Variants in RFX3 observed in about 807,000 individuals in gnomAD.
RFX3 encodes regulatory factor X3, also known as transcription factor RFX3.
Under a neutral mutation model 98.6 loss-of-function variants are expected in RFX3, and 14 were observed. That is an observed-to-expected ratio of 0.14 (90% CI 0.09 to 0.22). The LOEUF (loss-of-function observed/expected upper bound fraction) is 0.22, where lower values mean the gene tolerates loss of function less well. Among genes scored for constraint, RFX3 ranks in the 10% least tolerant of loss-of-function variants. RFX3 has a pLI of 1.00. For missense variants in RFX3, 639 were observed against 926.9 expected (o/e 0.69, Z 4.03); for synonymous variants, 383 against 328.4 (o/e 1.17, Z -1.80).
At chr9:3,316,866 A>G (rs1355982530) in intron 4 of RFX3, among the ~76,000 whole-genome samples, 3 of 152,212 alleles carry the variant, frequency 2.0e-5, no homozygotes, top group Non-Finnish European at 2.9e-5. Flanking sequence ...ACGAAATAAA[A>G]GAAGACACAA....
intron 2 of RFX3, among the ~76,000 whole-genome samples, chr9:3,376,588 C>T (rs1183163418): frequency 6.6e-6 from 1 of 152,126 alleles, no homozygotes; most frequent in East Asian, 1.9e-4. Flanking sequence ...CCAAAATTGA[C>T]AAATGGGATC....
At chr9:3,265,300 A>G (rs1006372891) in intron 12 of RFX3, among the ~76,000 whole-genome samples, 5 of 152,206 alleles carry the variant, frequency 3.3e-5, no homozygotes, top group Non-Finnish European at 7.3e-5. Flanking sequence ...ACAATCTAAT[A>G]TGGGCACATC....
chr9:3,391,575 G>A (rs535266897), intron 2 of RFX3, among the ~76,000 whole-genome samples: 31 of 152,274 alleles, frequency 2.0e-4, no homozygotes, highest in Middle Eastern at 3.4e-3. Context: ...TGCCTGTTGG[G>A]AGTGAGCCAT....
At chr9:3,390,916 T>C (rs1177164699) in intron 2 of RFX3, among the ~76,000 whole-genome samples, 1 of 152,156 alleles carries the variant, frequency 6.6e-6, no homozygotes, top group African/African-American at 2.4e-5. Flanking sequence ...ATTAGGTTGG[T>C]GCAAAAATTA....
At chr9:3,314,650 T>G (rs557877863) in intron 4 of RFX3, among the ~76,000 whole-genome samples, 1 of 151,534 alleles carries the variant, frequency 6.6e-6, no homozygotes, top group East Asian at 1.9e-4. Context: ...GAGACACACA[T>G]AGGCTCAAAA....
At chr9:3,457,494 C>T (rs1428483924) in intron 1 of RFX3, among the ~76,000 whole-genome samples, 1 of 152,042 alleles carries the variant, frequency 6.6e-6, no homozygotes, top group Non-Finnish European at 1.5e-5. Flanking sequence ...AATTAAAAAC[C>T]CAGGAGTTCC....
intron 2 of RFX3, among the ~76,000 whole-genome samples, chr9:3,379,706 A>C (rs2131676422): frequency 6.6e-6 from 1 of 152,278 alleles, no homozygotes; most frequent in South Asian, 2.1e-4. Flanking sequence ...ATACATCCAT[A>C]TACCACACTT....
At chr9:3,268,146 C>T (rs565829938) in intron 11 of RFX3, among the ~76,000 whole-genome samples, 3 of 151,668 alleles carry the variant, frequency 2.0e-5, no homozygotes, top group African/African-American at 7.3e-5. Context: ...ATACAATTAA[C>T]GTTTTTTTCA....
At chr9:3,393,064 G>A (rs1168244746) in intron 2 of RFX3, among the ~76,000 whole-genome samples, 1 of 138,294 alleles carries the variant, frequency 7.2e-6, no homozygotes, top group Non-Finnish European at 1.6e-5. Flanking sequence ...TGGGCGGGTG[G>A]GTGGGCCAGG....
At chr9:3,494,161 G>C (rs1425372716) in intron 1 of RFX3, among the ~76,000 whole-genome samples, 4 of 152,110 alleles carry the variant, frequency 2.6e-5, no homozygotes, top group Admixed American at 6.6e-5. Flanking sequence ...TAGAAAAAAA[G>C]ACTGGTAAAG....
At chr9:3,432,196 A>T (rs1844715037) in intron 1 of RFX3, among the ~76,000 whole-genome samples, 1 of 152,126 alleles carries the variant, frequency 6.6e-6, no homozygotes, top group Non-Finnish European at 1.5e-5. Flanking sequence ...TGTGTTTCAA[A>T]GTTCTTTTGA....
At chr9:3,424,573 G>A (rs1843820976) in intron 1 of RFX3, among the ~76,000 whole-genome samples, 1 of 151,380 alleles carries the variant, frequency 6.6e-6, no homozygotes, top group Non-Finnish European at 1.5e-5. Flanking sequence ...TGTTAGCCGG[G>A]ATGGTCTCGA....
intron 1 of RFX3, chr9:3,452,173 G>A: frequency 6.4e-6 from 1 of 155,946 alleles, no homozygotes; most frequent in Non-Finnish European, 1.4e-5. Flanking sequence ...TCTCATCACT[G>A]AAGGTGTGTC....
At chr9:3,462,707 C>T (rs1185009628) in intron 1 of RFX3, among the ~76,000 whole-genome samples, 2 of 151,940 alleles carry the variant, frequency 1.3e-5, no homozygotes, top group Non-Finnish European at 2.9e-5. Context: ...TACAGTGTTA[C>T]AAGGTCAAAA....
intron 2 of RFX3, among the ~76,000 whole-genome samples, chr9:3,369,501 T>C (rs1349758747): frequency 6.6e-6 from 1 of 152,162 alleles, no homozygotes; most frequent in African/African-American, 2.4e-5. Flanking sequence ...AATTTCCAAA[T>C]AAAGGAGTTC....
intron 1 of RFX3, chr9:3,400,165 T>C: frequency 1.3e-6 from 1 of 789,518 alleles, no homozygotes; most frequent in Non-Finnish European, 1.5e-6. Flanking sequence ...CCCAGAGATG[T>C]TACATCACTT....
At chr9:3,451,174 G>A (rs1045166240) in intron 1 of RFX3, among the ~76,000 whole-genome samples, 14 of 152,144 alleles carry the variant, frequency 9.2e-5, no homozygotes, top group Non-Finnish European at 1.9e-4. Context: ...GGCCAAAGTT[G>A]GAACAATTTG....
chr9:3,412,510 T>A (rs551847936), intron 1 of RFX3, among the ~76,000 whole-genome samples: 62 of 152,292 alleles, frequency 4.1e-4, no homozygotes, highest in African/African-American at 1.3e-3. Context: ...ATTTAGTTAT[T>A]TTTTTCTTCT....
intron 2 of RFX3, among the ~76,000 whole-genome samples, chr9:3,350,921 G>A (rs1313991641): frequency 6.6e-6 from 1 of 151,976 alleles, no homozygotes; most frequent in Non-Finnish European, 1.5e-5. Flanking sequence ...AAAGATCAGT[G>A]GCTGCCAGCC....
Sources: allele counts gnomAD v4.1 joint callset (sites outside exome capture counted in the v4.1 genomes callset), GRCh38; gene constraint gnomAD v4.1.1; transcripts MANE v1.5; gene names NCBI Gene and HGNC (gene_info 2026-07-23, HGNC 2026-07-21).